The following PDE3B variants were observed in gnomAD, a reference collection of about 807,000 sequenced individuals.
PDE3B encodes the protein phosphodiesterase 3B, also known as cGMP-inhibited 3',5'-cyclic phosphodiesterase 3B.
Under a neutral mutation model 116.8 loss-of-function variants are expected in PDE3B, and 66 were observed. The ratio of observed to expected loss-of-function variants is 0.56; its 90% CI spans 0.46 to 0.69. PDE3B has a LOEUF of 0.69. Among genes scored for constraint, PDE3B ranks in the 30% least tolerant of loss-of-function variants. The pLI, the probability that PDE3B is intolerant of heterozygous loss-of-function variation, is 0.00. For missense variants in PDE3B, 1,384 were observed against 1,368.1 expected, an observed-to-expected ratio of 1.01 and a Z score of -0.18; for synonymous variants, 595 against 533.6, an observed-to-expected ratio of 1.12 and a Z score of -1.59.
In PDE3B at chr11:14,643,994, G is replaced by A. The variant is rs1327187041; in HGVS notation, c.-82G>A. 6 of 1,377,134 alleles carry A rather than the reference G, an allele frequency of 4.4e-6. No individual in the cohort carries two copies. Among genetic ancestry groups the A allele is most frequent in the Non-Finnish European group, 1.9e-6 (2 of 1,073,360 alleles). 85.3% of individuals were successfully genotyped at this position (1,377,134 alleles called of 1,614,324 possible). A position where few individuals can be genotyped will look rare whatever the true frequency, so the allele number is the denominator to read the frequency against. On this transcript the variant is annotated 5_prime_UTR_variant, in exon 1 of 16. Transcript: ENST00000282096. ...CGAACCAGGGGGCGCCCCGAACGCG[G>A]GGGTTGGGGTCTGGGAGCGCGAGCG...
At chr11:14,666,297 G>T (rs1244470632) in intron 1 of PDE3B, among the ~76,000 whole-genome samples, 2 of 149,874 alleles carry the variant, frequency 1.3e-5, no homozygotes, top group East Asian at 3.9e-4. Context: ...ATGGATTAAA[G>T]ACTTAAACGT....
chr11:14,812,232 T>G (rs1859162550), intron 5 of PDE3B, among the ~76,000 whole-genome samples: 1 of 152,188 alleles, frequency 6.6e-6, no homozygotes, highest in African/African-American at 2.4e-5. Context: ...AATTGTACAA[T>G]TTAAAATAGT....
chr11:14,883,089 A>G, the PDE3B span, among the ~76,000 whole-genome samples: 9 of 152,142 alleles, frequency 5.9e-5, no homozygotes, highest in Admixed American at 1.3e-4. Flanking sequence ...AATCAATATC[A>G]TGAAAATGGC....
At chr11:14,880,613 T>C in the PDE3B span, 1 of 1,609,662 alleles carries the variant, frequency 6.2e-7, no homozygotes, top group South Asian at 1.1e-5. Context: ...TCAAAAGGTC[T>C]ACCTTTGTAT....
chr11:14,661,354 G>A (rs943418697), intron 1 of PDE3B, among the ~76,000 whole-genome samples: 4 of 152,190 alleles, frequency 2.6e-5, no homozygotes, highest in Non-Finnish European at 2.9e-5. Context: ...GAACAGCTCC[G>A]GTCTACAGCT....
chr11:14,701,262 G>A (rs866677143), intron 1 of PDE3B, among the ~76,000 whole-genome samples: 46 of 151,624 alleles, frequency 3.0e-4, no homozygotes, highest in African/African-American at 1.0e-3. Flanking sequence ...AAGTTTTATT[G>A]AATTAGATGG....
chr11:14,740,495 C>A (rs976154303), intron 1 of PDE3B, among the ~76,000 whole-genome samples: 2 of 151,966 alleles, frequency 1.3e-5, no homozygotes, highest in Non-Finnish European at 2.9e-5. Flanking sequence ...TCTCTCTTTT[C>A]ATCTTTATTA....
chr11:14,749,243 A>T (rs774816605), intron 1 of PDE3B, among the ~76,000 whole-genome samples: 1 of 152,150 alleles, frequency 6.6e-6, no homozygotes, highest in Non-Finnish European at 1.5e-5. Context: ...ATTGGTACAT[A>T]TGTAAATGAA....
At chr11:14,713,639 CAT>C (rs1026619980) in intron 1 of PDE3B, among the ~76,000 whole-genome samples, 1 of 152,074 alleles carries the variant, frequency 6.6e-6, no homozygotes, top group Non-Finnish European at 1.5e-5. Flanking sequence ...CAACTCTGCA[CAT>C]GTTAGGTCAG....
chr11:14,747,032 C>T (rs1856927404), intron 1 of PDE3B, among the ~76,000 whole-genome samples: 2 of 152,212 alleles, frequency 1.3e-5, no homozygotes. Context: ...AGTAAGCTTA[C>T]AACCATGGTG....
chr11:14,667,397 C>A (rs1479692598), intron 1 of PDE3B, among the ~76,000 whole-genome samples: 2 of 150,854 alleles, frequency 1.3e-5, no homozygotes, highest in Non-Finnish European at 2.9e-5. Context: ...AACTAACCTG[C>A]ACATTGTGCA....
the PDE3B span, chr11:14,890,967 GATA>G: frequency 1.0e-4 from 102 of 985,256 alleles, no homozygotes; most frequent in Admixed American, 1.2e-4. Context: ...GCCTGTGGCC[GATA>G]ATGAGATTAG....
chr11:14,798,451 G>T (rs1590153919), intron 4 of PDE3B, among the ~76,000 whole-genome samples: 1 of 152,160 alleles, frequency 6.6e-6, no homozygotes, highest in African/African-American at 2.4e-5. Flanking sequence ...GTCATAAAAT[G>T]ATTTAGGGAA....
At position 14,644,403 on chromosome 11, in the gene PDE3B, A is replaced by C. The variant is rs746505990; in HGVS notation, c.328A>C (p.Thr110Pro). 14 of 1,606,466 alleles carry C rather than the reference A, an allele frequency of 8.7e-6. No individual in the cohort carries two copies. Among genetic ancestry groups the C allele is most frequent in the Non-Finnish European group, 1.0e-5 (12 of 1,177,392 alleles). ...GGCTGCCGGGGCCGCCTGGCTGCGG[A>C]CGCTGCTGAGCGTGTGTTCGCACAG... ...SWAAGAAWLR[T>P]LLSVCSHSLS... Residue 110 changes from threonine (T) to proline (P), a missense_variant, in exon 1 of 16, where the codon ACG becomes CCG. Physicochemically the swap from Thr to Pro is conservative, Grantham distance 38. Transcript: ENST00000282096.
At chr11:14,785,322 T>C (rs1858156116) in intron 2 of PDE3B, among the ~76,000 whole-genome samples, 1 of 152,076 alleles carries the variant, frequency 6.6e-6, no homozygotes, top group Non-Finnish European at 1.5e-5. Context: ...AGTTGGGCTA[T>C]GCCCTGGTAT....
At chr11:14,766,783 A>G (rs1290626689) in intron 1 of PDE3B, among the ~76,000 whole-genome samples, 2 of 151,692 alleles carry the variant, frequency 1.3e-5, no homozygotes, top group Non-Finnish European at 3.0e-5. Context: ...GACTGATTTC[A>G]TCACATATTT....
intron 5 of PDE3B, among the ~76,000 whole-genome samples, chr11:14,809,503 C>G (rs1449489908): frequency 6.6e-6 from 1 of 152,164 alleles, no homozygotes; most frequent in African/African-American, 2.4e-5. Context: ...TACAAATCTA[C>G]TCATATAAAA....
intron 12 of PDE3B, among the ~76,000 whole-genome samples, chr11:14,850,897 C>T (rs755341328): frequency 2.6e-5 from 4 of 151,836 alleles, no homozygotes; most frequent in East Asian, 1.9e-4. Context: ...GGGGCATTCT[C>T]GGCTTACTGC....
chr11:14,791,209 CT>C (rs1315556796), intron 4 of PDE3B, among the ~76,000 whole-genome samples: 1 of 152,084 alleles, frequency 6.6e-6, no homozygotes, highest in Non-Finnish European at 1.5e-5. Context: ...AACTCATAGA[CT>C]TATGACTCTG....
Sources: allele counts gnomAD v4.1 joint callset (sites outside exome capture counted in the v4.1 genomes callset), GRCh38; gene constraint gnomAD v4.1.1; transcripts MANE v1.5; gene names NCBI Gene and HGNC (gene_info 2026-07-23, HGNC 2026-07-21).